Variants in PHC2 observed in about 807,000 individuals in gnomAD.
PHC2 encodes polyhomeotic-like protein 2.
In PHC2, 29 loss-of-function variants were observed where a neutral mutation model predicts 87.4. That is an observed-to-expected ratio of 0.33 (90% CI 0.25 to 0.45). The LOEUF (loss-of-function observed/expected upper bound fraction) is 0.45, where lower values mean the gene tolerates loss of function less well. Ranked by LOEUF, PHC2 falls within the 20% of genes least tolerant of loss-of-function variation. PHC2 has a pLI of 1.00. For missense variants in PHC2, 857 were observed against 1,136.7 expected (o/e 0.75, Z 3.54); for synonymous variants, 438 against 461.7 (o/e 0.95, Z 0.66).
At chr1:33,386,127 G>A (rs1557842149) in intron 1 of PHC2, among the ~76,000 whole-genome samples, 5 of 152,068 alleles carry the variant, frequency 3.3e-5, no homozygotes, top group Admixed American at 3.3e-4. Context: ...TATAATCTCA[G>A]TCAGCTCTTC....
chr1:33,426,404 C>A (rs1338949405), intron 1 of PHC2, among the ~76,000 whole-genome samples: 1 of 152,070 alleles, frequency 6.6e-6, no homozygotes, highest in African/African-American at 2.4e-5. Context: ...TTGTAGTGTA[C>A]CTGTTCCACT....
chr1:33,366,856 C>T (rs4653106), intron 7 of PHC2, among the ~76,000 whole-genome samples: 152,031 of 152,320 alleles, frequency 1, 75,871 homozygotes, highest in Non-Finnish European at 1. Flanking sequence ...GCTGTGGCTG[C>T]GTACCCTGAT....
chr1:33,353,777 T>C (rs1331158396), intron 9 of PHC2, among the ~76,000 whole-genome samples: 3 of 151,902 alleles, frequency 2.0e-5, no homozygotes, highest in Non-Finnish European at 2.9e-5. Flanking sequence ...GGGAAGCAAA[T>C]AGATCTTTGC....
At chr1:33,371,209 G>A in intron 3 of PHC2, 115 bp from the exon 4 acceptor site, 4 of 813,004 alleles carry the variant, frequency 4.9e-6, no homozygotes, top group East Asian at 2.5e-5. Context: ...AGCCTCTGGA[G>A]GTCAGCCCCC....
chr1:33,354,164 G>A (rs1013047476), intron 9 of PHC2, among the ~76,000 whole-genome samples: 1 of 152,212 alleles, frequency 6.6e-6, no homozygotes, highest in Non-Finnish European at 1.5e-5. Context: ...AGGCCCCAGT[G>A]TCTGGCTCTA....
At chr1:33,410,659 T>C (rs1295830410) in intron 1 of PHC2, among the ~76,000 whole-genome samples, 1 of 152,202 alleles carries the variant, frequency 6.6e-6, no homozygotes. Flanking sequence ...CCTTTAGGGA[T>C]CAAGGGCTAT....
chr1:33,347,803 G>T, intron 9 of PHC2: 1 of 879,690 alleles, frequency 1.1e-6, no homozygotes, highest in African/African-American at 1.8e-5. Flanking sequence ...TGCCAAAAGA[G>T]CACCACTCCC....
intron 9 of PHC2, among the ~76,000 whole-genome samples, chr1:33,342,906 G>C (rs1646772014): frequency 6.6e-6 from 1 of 152,172 alleles, no homozygotes; most frequent in African/African-American, 2.4e-5. Flanking sequence ...GATCAGGGGA[G>C]ATAAAAGGAA....
At chr1:33,376,658 C>A (rs377596735) in intron 1 of PHC2, among the ~76,000 whole-genome samples, 1 of 152,158 alleles carries the variant, frequency 6.6e-6, no homozygotes, top group Non-Finnish European at 1.5e-5. Flanking sequence ...AGGCCGGGTG[C>A]GGTGGCTCAT....
rs373640921 is a variant in PHC2, at chr1:33,328,929, G to A, written c.2366C>T (p.Pro789Leu). 1 of 1,613,880 alleles carries A rather than the reference G, an allele frequency of 6.2e-7. No homozygotes were observed. Among genetic ancestry groups the A allele is most frequent in the Non-Finnish European group, 8.5e-7 (1 of 1,179,874 alleles). Residue 789 changes from proline to leucine, a missense_variant, in exon 14 of 15, where the codon CCA (proline) becomes CTA (leucine). Physicochemically the swap from Pro to Leu is moderately conservative, Grantham distance 98 (BLOSUM62 -3). Transcript: ENST00000683057. ...TACATTCCACTTGGTGGGCTCACTT[G>A]GCAGGAAGTGGTGTCCCATGCCCAC... ...DLVGMGHHFLPSEPTKWNVED... is the reference protein window; with the variant it reads ...DLVGMGHHFLLSEPTKWNVED...
rs57749750 is a variant in PHC2, at chr1:33,412,403, C to T, written c.-55+18573G>A. Among the ~76,000 whole-genome samples the T allele has an allele frequency of 1.1e-3, 166 of 152,300 alleles. 1 individual carries two copies. The highest frequency in any genetic ancestry group is 3.6e-3 in the African/African-American group (148 of 41,568). On this transcript the variant is annotated intron_variant, in intron 1 of 14. Coordinates refer to ENST00000683057, the MANE Select transcript of PHC2 (RefSeq NM_001385109.1). ...GTGTTACTGTACAAATACACACACA[C>T]GTGCGTGCGCGTGCATTCAAACACT...
At chr1:33,424,832 A>G (rs1277321486) in intron 1 of PHC2, among the ~76,000 whole-genome samples, 1 of 152,210 alleles carries the variant, frequency 6.6e-6, no homozygotes, top group Non-Finnish European at 1.5e-5. Context: ...CAGCCATAAT[A>G]AGGCCCTGGA....
Position 33,334,737 on chromosome 1 carries a change from A to T in PHC2, c.1559-445T>A, listed in dbSNP as rs1177226544. ...GTATAGGGCTTTGAGTGTGATAAAG[A>T]GAAGCTTCTACGAGGTTCCTTAGAG... is the stretch of plus-strand genomic sequence containing the variant. On this transcript the variant is annotated intron_variant, in intron 9 of 14. Transcript: ENST00000683057. This position sits in a 1 kb window ranked among gnomAD's most constrained non-coding sequence, Gnocchi z 5.5. Among the ~76,000 whole-genome samples the T allele has an allele frequency of 1.3e-5, 2 of 152,234 alleles. No individual in the cohort carries two copies. The highest frequency in any genetic ancestry group is 2.9e-5 in the Non-Finnish European group (2 of 68,038).
intron 9 of PHC2, chr1:33,347,843 C>T (rs1354201187): frequency 5.2e-6 from 3 of 576,386 alleles, no homozygotes; most frequent in African/African-American, 4.1e-5. Flanking sequence ...GAAACAAGCC[C>T]GCCCTTGTGA....
chr1:33,417,586 C>T (rs377421141), intron 1 of PHC2, among the ~76,000 whole-genome samples: 7 of 152,096 alleles, frequency 4.6e-5, no homozygotes, highest in African/African-American at 7.2e-5. Flanking sequence ...ACACACAATC[C>T]TAAATGTGTA....
chr1:33,394,834 T>C (rs1649230844), intron 1 of PHC2, among the ~76,000 whole-genome samples: 1 of 152,162 alleles, frequency 6.6e-6, no homozygotes, highest in Non-Finnish European at 1.5e-5. Context: ...CCTCCCGAAG[T>C]GTTGGGATTA....
intron 14 of PHC2, among the ~76,000 whole-genome samples, chr1:33,327,630 G>C (rs1646399869): frequency 1.3e-5 from 2 of 152,208 alleles, no homozygotes; most frequent in South Asian, 4.1e-4. Flanking sequence ...TCAGAGGCTA[G>C]ATCATAAAGG....
intron 9 of PHC2, chr1:33,347,378 A>T: frequency 1.0e-6 from 1 of 985,288 alleles, no homozygotes; most frequent in East Asian, 1.1e-4. Flanking sequence ...ACAGAAGGAA[A>T]AGGGGCTGGA....
chr1:33,368,180 C>T lies in PHC2; in HGVS notation c.663+356G>A, dbSNP rs758980857. On this transcript the variant is annotated intron_variant, in intron 6 of 14. Coordinates refer to ENST00000683057, the MANE Select transcript of PHC2 (RefSeq NM_001385109.1). The surrounding 1 kb of genome is among the most constrained non-coding windows in gnomAD (Gnocchi z 6.6). ...TTTTCTCGAGTCCTAGCAGCACTAC[C>T]GTGTGTAACCGGAGCGGGACTTTCC... Among the ~76,000 whole-genome samples, 4 of 152,210 alleles carry T rather than the reference C, an allele frequency of 2.6e-5. No homozygotes were observed. The highest frequency in any genetic ancestry group is 2.0e-4 in the Admixed American group (3 of 15,290).
Sources: allele counts gnomAD v4.1 joint callset (sites outside exome capture counted in the v4.1 genomes callset), GRCh38; gene constraint gnomAD v4.1.1; non-coding constraint Gnocchi (gnomAD v3.1); transcripts MANE v1.5; gene names NCBI Gene and HGNC (gene_info 2026-07-23, HGNC 2026-07-21).